Variants in FAM200A observed in about 807,000 individuals in gnomAD.
FAM200A encodes the protein protein FAM200A.
Under a neutral mutation model 44.2 loss-of-function variants are expected in FAM200A, and 26 were observed. That is an observed-to-expected ratio of 0.59 (90% CI 0.43 to 0.82). The LOEUF (loss-of-function observed/expected upper bound fraction) is 0.82, where lower values mean the gene tolerates loss of function less well. Among genes scored for constraint, FAM200A ranks in the 40% least tolerant of loss-of-function variants. The pLI, the probability that FAM200A is intolerant of heterozygous loss-of-function variation, is 0.00. For synonymous variants in FAM200A, 206 were observed against 244.4 expected (o/e 0.84, Z 1.47); for missense variants, 606 against 669.5 (o/e 0.91, Z 1.05).
At chr7:99,548,785 T>A (rs1278056798) in intron 1 of FAM200A, among the ~76,000 whole-genome samples, 1 of 150,760 alleles carries the variant, frequency 6.6e-6, no homozygotes, top group Non-Finnish European at 1.5e-5. Flanking sequence ...CAACCCACAG[T>A]AAGTATAGAA....
In FAM200A at chr7:99,547,239, T is replaced by TTAAGTCTTGCTTGCCACAATAA; in HGVS notation, c.1147_1168dup (p.Lys390IlefsTer8). ...CATATAGTAGCTAGGGCGGTTACTT[T>TTAAGTCTTGCTTGCCACAATAA]TAAGTCTTGCTTGCCACAATAATAA... On this transcript the variant is annotated stop_gained and frameshift_variant, in exon 2 of 2. Coordinates refer to ENST00000449309, the MANE Select transcript of FAM200A (RefSeq NM_145111.4). LOFTEE classifies it high-confidence loss of function. 1 of 1,551,416 alleles carries TTAAGTCTTGCTTGCCACAATAA rather than the reference T, an allele frequency of 6.4e-7. No homozygotes were observed. Among genetic ancestry groups the TTAAGTCTTGCTTGCCACAATAA allele is most frequent in the Non-Finnish European group, 8.7e-7 (1 of 1,146,916 alleles).
chr7:99,548,234 CTCAT>C lies in FAM200A; in HGVS notation c.170_173del (p.Asn57ArgfsTer9). The C allele has an allele frequency of 6.2e-7, 1 of 1,607,900 alleles. No homozygotes were observed. Among genetic ancestry groups the C allele is most frequent in the Non-Finnish European group, 8.5e-7 (1 of 1,176,820 alleles). ...CTAAATACGATGACAATAAGGCTCT[CTCAT>C]TCATAGTTGTAGAGCGACTGAGAAC... On this transcript the variant is annotated frameshift_variant, in exon 2 of 2. Coordinates refer to ENST00000449309, the MANE Select transcript of FAM200A (RefSeq NM_145111.4). LOFTEE classifies it high-confidence loss of function.
chr7:99,547,652 T>G lies in FAM200A; in HGVS notation c.756A>C (p.Glu252Asp). The change falls in exon 2 of 2, where the codon GAA (glutamate) becomes GAC (aspartate). Residue 252 changes from glutamate (E) to aspartate (D), a missense_variant. Coordinates refer to ENST00000449309, the MANE Select transcript of FAM200A (RefSeq NM_145111.4). ...ATACATCCATCAGACTTGGTGAAAT[T>G]TCTTTGGATACCAAAGCTTCTCGAT... ...FIHREALVSKEISPSLMDVLK... is the reference protein window; with the variant it reads ...FIHREALVSKDISPSLMDVLK... The G allele has an allele frequency of 6.4e-7, 1 of 1,551,282 alleles. No individual in the cohort carries two copies. The highest frequency in any genetic ancestry group is 1.4e-5 in the African/African-American group (1 of 73,150).
Position 99,551,985 on chromosome 7 carries a change from G to A in FAM200A, c.-231C>T. The A allele has an allele frequency of 1.0e-6, 1 of 985,552 alleles. No individual in the cohort carries two copies. The allele number at this position is 985,552 out of a possible 1,614,324, so 61.1% of individuals were successfully genotyped here. A position where few individuals can be genotyped will look rare whatever the true frequency, so the allele number is the denominator to read the frequency against. ...CGAGGGGATTGCAGGACACAGCCAT[G>A]CACGTCCAACTCTGTCCCCGCCCGG... On this transcript the variant is annotated 5_prime_UTR_variant, in exon 1 of 2. Coordinates refer to ENST00000449309, the MANE Select transcript of FAM200A (RefSeq NM_145111.4).
rs896603622 is a variant in FAM200A at position 99,546,672 on chromosome 7, T to C, written c.*14A>G. 6.7e-7 allele frequency: 1 copy of C among 1,490,300 alleles called. No individual in the cohort carries two copies. The highest frequency in any genetic ancestry group is 1.4e-5 in the South Asian group (1 of 72,320). 92.3% of individuals were successfully genotyped at this position (1,490,300 alleles called of 1,614,324 possible). ...CCACACCTGGCTATACACAGAATTT[T>C]GTAAAGTTTGTATTTAATGTGATGG... On this transcript the variant is annotated 3_prime_UTR_variant, in exon 2 of 2. Coordinates refer to ENST00000449309, the MANE Select transcript of FAM200A (RefSeq NM_145111.4).
chr7:99,554,478 C>CAAAAAAAAA (rs397889799), upstream of FAM200A, among the ~76,000 whole-genome samples: 288 of 50,730 alleles, frequency 5.7e-3, no homozygotes, highest in Non-Finnish European at 8.1e-3. Context: ...GACTCCGTCT[C>CAAAAAAAAA]AAAAAAAAAA....
At position 99,547,503 on chromosome 7, in the gene FAM200A, C is replaced by T. The variant is rs1802416641; in HGVS notation, c.905G>A (p.Arg302His). Residue 302 changes from arginine to histidine, a missense_variant, in exon 2 of 2, where the codon CGT becomes CAT. Physicochemically the swap from Arg to His is conservative, Grantham distance 29. Coordinates refer to ENST00000449309, the MANE Select transcript of FAM200A (RefSeq NM_145111.4). Reference sequence around the variant, plus strand: ...CAATACTTTTCCTTGAGAAAGCCAACGAACTTCTGTATGAAACAATAAGTG... The same window carrying T: ...CAATACTTTTCCTTGAGAAAGCCAATGAACTTCTGTATGAAACAATAAGTG... ...HTHLLFHTEV[R>H]WLSQGKVLSR... is the part of the protein sequence containing the mutation. 1.0e-5 allele frequency: 16 copies of T among 1,549,280 alleles called. No individual in the cohort carries two copies. Among genetic ancestry groups the T allele is most frequent in the African/African-American group, 4.1e-5 (3 of 72,950 alleles).
upstream of FAM200A, among the ~76,000 whole-genome samples, chr7:99,553,016 C>T (rs1363335514): frequency 1.5e-5 from 2 of 131,648 alleles, no homozygotes; most frequent in African/African-American, 6.3e-5. Context: ...CATATATATA[C>T]ACATATATAT....
upstream of FAM200A, among the ~76,000 whole-genome samples, chr7:99,553,099 A>ATATATATTTTTTTT (rs1254408398): frequency 4.9e-5 from 3 of 61,418 alleles, no homozygotes; most frequent in African/African-American, 2.0e-4. Context: ...ATATATATAT[A>ATATATATTTTTTTT]TTTTTTTTTT....
In FAM200A at chr7:99,550,933, C is replaced by G. The variant is rs565690864; in HGVS notation, c.-100+921G>C. On this transcript the variant is annotated intron_variant, in intron 1 of 1. Transcript: ENST00000449309. Reference sequence around the variant, plus strand: ...CTCTACTAAAAGTACAAAAATTAGCCGGGCATGGTGGCAGGCGCCTGTAAT... The same window carrying G: ...CTCTACTAAAAGTACAAAAATTAGCGGGGCATGGTGGCAGGCGCCTGTAAT... Among the ~76,000 whole-genome samples, 6 of 152,028 alleles carry G rather than the reference C, an allele frequency of 3.9e-5. No individual in the cohort carries two copies. The South Asian group carries it at 1.2e-3, about 32-fold the overall frequency.
chr7:99,556,753 A>G (rs1399549796), upstream of FAM200A, among the ~76,000 whole-genome samples: 1 of 152,196 alleles, frequency 6.6e-6, no homozygotes, highest in Non-Finnish European at 1.5e-5. Flanking sequence ...AAAACAAAAC[A>G]GGCTCGGTGC....
At chr7:99,550,061 A>G (rs1386026018) in intron 1 of FAM200A, among the ~76,000 whole-genome samples, 1 of 152,056 alleles carries the variant, frequency 6.6e-6, no homozygotes, top group African/African-American at 2.4e-5. Context: ...AAAAAAGTAA[A>G]TAATAAAAAA....
chr7:99,553,090 TATATATATA>T (rs1444487180), upstream of FAM200A, among the ~76,000 whole-genome samples: 35 of 101,992 alleles, frequency 3.4e-4, 1 homozygote, highest in African/African-American at 1.6e-3. Context: ...TATATATATA[TATATATATA>T]TTTTTTTTTT....
upstream of FAM200A, among the ~76,000 whole-genome samples, chr7:99,553,095 ATATATTTTTTT>A (rs1313979222): frequency 6.2e-4 from 55 of 88,836 alleles, no homozygotes; most frequent in African/African-American, 3.5e-3. Context: ...ATATATATAT[ATATATTTTTTT>A]TTTTTTTTTT....
At chr7:99,556,759 G>A (rs192385239), upstream of FAM200A, among the ~76,000 whole-genome samples, 100 of 152,210 alleles carry the variant, frequency 6.6e-4, no homozygotes, top group African/African-American at 2.3e-3. Context: ...AAACAGGCTC[G>A]GTGCAGTGGC....
Position 99,548,281 on chromosome 7 carries a change from C to G in FAM200A, c.127G>C (p.Val43Leu), listed in dbSNP as rs762946755. 40 of 1,614,050 alleles carry G rather than the reference C, an allele frequency of 2.5e-5. No individual in the cohort carries two copies. Among genetic ancestry groups the G allele is most frequent in the Admixed American group, 1.8e-4 (11 of 59,994 alleles). The change falls in exon 2 of 2, where the codon GTA (valine) becomes CTA (leucine). Residue 43 changes from valine to leucine, a missense_variant. By Grantham distance (32) the Val-to-Leu change is conservative. Coordinates refer to ENST00000449309, the MANE Select transcript of FAM200A (RefSeq NM_145111.4). ...CTGAGAACTTGTGGCGATGACTCTA[C>G]TTTGTTTCTTTCCTTTTGAAAATGG... ...EDHFQKERNK[V>L]ESSPQVLSRS...
intron 1 of FAM200A, among the ~76,000 whole-genome samples, chr7:99,557,339 G>A (rs1441392866): frequency 6.6e-6 from 1 of 152,162 alleles, no homozygotes; most frequent in Non-Finnish European, 1.5e-5. Flanking sequence ...ATTGCTAATA[G>A]GTACAACCTG....
chr7:99,554,680 T>C (rs540616886), upstream of FAM200A, among the ~76,000 whole-genome samples: 1 of 152,166 alleles, frequency 6.6e-6, no homozygotes, highest in South Asian at 2.1e-4. Context: ...TCCTCCAAAA[T>C]ATGGCATGGG....
At position 99,547,669 on chromosome 7, in the gene FAM200A, C is replaced by G. The variant is rs921863442; in HGVS notation, c.739G>C (p.Ala247Pro). ...VWNHCFIHRE[A>P]LVSKEISPSL... ...GGTGAAATTTCTTTGGATACCAAAGCTTCTCGATGAATAAAACAGTGATTC... is the reference window on the plus strand; with the variant it reads ...GGTGAAATTTCTTTGGATACCAAAGGTTCTCGATGAATAAAACAGTGATTC... The change falls in exon 2 of 2, where the codon GCT becomes CCT. Residue 247 changes from alanine to proline, a missense_variant. Transcript: ENST00000449309. 1 of 1,551,066 alleles carries G rather than the reference C, an allele frequency of 6.4e-7. No individual in the cohort carries two copies. Among genetic ancestry groups the G allele is most frequent in the African/African-American group, 1.4e-5 (1 of 73,022 alleles).
Sources: gnomAD v4.1 joint callset for allele counts (sites outside exome capture counted in the v4.1 genomes callset) on GRCh38, gnomAD v4.1.1 for gene constraint, MANE v1.5 for transcripts, NCBI Gene and HGNC (gene_info 2026-07-23, HGNC 2026-07-21) for gene names.